The following BMPR2 variants were observed in gnomAD, a reference collection of about 807,000 sequenced individuals.
The protein encoded by BMPR2 is bone morphogenetic protein receptor type-2.
A neutral mutation model predicts 100.8 loss-of-function variants in BMPR2; 29 were observed. The ratio of observed to expected loss-of-function variants is 0.29; its 90% CI spans 0.21 to 0.39. The LOEUF is 0.39. Among genes scored for constraint, BMPR2 ranks in the 10% least tolerant of loss-of-function variants. BMPR2 has a pLI of 1.00. For missense variants in BMPR2, 1,011 were observed against 1,274.5 expected (o/e 0.79, Z 3.15); for synonymous variants, 382 against 442.3 (o/e 0.86, Z 1.71).
rs142497256 is a variant in BMPR2 at position 202,427,705 on chromosome 2, T to C, written c.77-37104T>C. Among the ~76,000 whole-genome samples, 912 of 152,240 alleles carry C rather than the reference T, an allele frequency of 6.0e-3. 16 individuals carry two copies. Among genetic ancestry groups the C allele is most frequent in the African/African-American group, 0.021 (869 of 41,544 alleles). ...AGGAAATACTTTTTATGGTTGGACA[T>C]TGTGGCTCACGCCTGTAATCTCAGC... On this transcript the variant is annotated intron_variant, in intron 1 of 12. Coordinates refer to ENST00000374580, the MANE Select transcript of BMPR2 (RefSeq NM_001204.7).
intron 10 of BMPR2, among the ~76,000 whole-genome samples, chr2:202,545,054 G>A (rs1688350366): frequency 2.0e-5 from 3 of 151,768 alleles, no homozygotes; most frequent in African/African-American, 7.3e-5. Flanking sequence ...GAGCCATCAT[G>A]CCTGGCCTGG....
At chr2:202,425,132 T>C (rs1047078431) in intron 1 of BMPR2, among the ~76,000 whole-genome samples, 3 of 152,048 alleles carry the variant, frequency 2.0e-5, no homozygotes, top group Non-Finnish European at 2.9e-5. Context: ...CAGGCTAGTC[T>C]CGAACTCTTG....
intron 1 of BMPR2, among the ~76,000 whole-genome samples, chr2:202,464,065 A>C (rs1692271690): frequency 6.6e-6 from 1 of 151,646 alleles, no homozygotes; most frequent in East Asian, 1.9e-4. Flanking sequence ...AGGCTGAGGC[A>C]AGAGAATCGC....
intron 3 of BMPR2, among the ~76,000 whole-genome samples, chr2:202,480,832 A>G (rs1454573796): frequency 6.6e-6 from 1 of 151,682 alleles, no homozygotes; most frequent in African/African-American, 2.4e-5. Flanking sequence ...GCATGTGCCT[A>G]TAGTCCTAGC....
At chr2:202,510,982 GTTTT>G (rs370738313) in intron 3 of BMPR2, among the ~76,000 whole-genome samples, 2 of 131,998 alleles carry the variant, frequency 1.5e-5, no homozygotes, top group African/African-American at 2.8e-5. Flanking sequence ...CCTGGCTTTA[GTTTT>G]TTTTTTTTTT....
Position 202,555,880 on chromosome 2 carries a change from C to T in BMPR2, c.2215C>T (p.Pro739Ser), listed in dbSNP as rs1688559679. The change falls in exon 12 of 13, where the codon CCT becomes TCT. Residue 739 changes from proline to serine, a missense_variant. Pro to Ser is a moderately conservative substitution (Grantham distance 74). This residue lies in a region of BMPR2 where 508 missense variants were observed against 552.0 expected (regional missense o/e 0.92). Transcript: ENST00000374580. ...GQACLIPDVL[P>S]TQIYPLPKQQ... is the part of the protein sequence containing the mutation. ...AGCATGTTTGATTCCTGATGTTCTG[C>T]CTACTCAGATCTATCCTCTCCCCAA... 6.2e-7 allele frequency: 1 copy of T among 1,614,120 alleles called. No homozygotes were observed. Among genetic ancestry groups the T allele is most frequent in the Non-Finnish European group, 8.5e-7 (1 of 1,180,020 alleles).
At chr2:202,557,661 C>CCG (rs1387013524) in intron 12 of BMPR2, among the ~76,000 whole-genome samples, 2 of 152,044 alleles carry the variant, frequency 1.3e-5, no homozygotes, top group Non-Finnish European at 2.9e-5. Flanking sequence ...GAGCGAAACT[C>CCG]CATCTCAGGA....
intron 1 of BMPR2, among the ~76,000 whole-genome samples, chr2:202,400,474 A>T (rs1036507807): frequency 1.3e-5 from 2 of 152,140 alleles, no homozygotes; most frequent in Non-Finnish European, 2.9e-5. Flanking sequence ...TTGACTGCAG[A>T]ATTAGATTTG....
chr2:202,552,145 G>T (rs917306795), intron 10 of BMPR2, among the ~76,000 whole-genome samples: 1 of 152,132 alleles, frequency 6.6e-6, no homozygotes. Flanking sequence ...GAACCACCAC[G>T]CCTGGCCAAT....
In BMPR2 at chr2:202,518,816, T is replaced by G; in HGVS notation, c.622-6T>G. On this transcript the variant is annotated splice_polypyrimidine_tract_variant and splice_region_variant and intron_variant, in intron 5 of 12. Coordinates refer to ENST00000374580, the MANE Select transcript of BMPR2 (RefSeq NM_001204.7). ...TAATACCTTGCTTTCTTTAAAACAC[T>G]TGCAGCTGATTGGCCGAGGTCGATA... 6.2e-7 allele frequency: 1 copy of G among 1,612,654 alleles called. No individual in the cohort carries two copies. Among genetic ancestry groups the G allele is most frequent in the Non-Finnish European group, 8.5e-7 (1 of 1,178,632 alleles).
intron 9 of BMPR2, among the ~76,000 whole-genome samples, chr2:202,541,390 C>T (rs986085917): frequency 3.3e-5 from 5 of 152,080 alleles, no homozygotes; most frequent in African/African-American, 9.7e-5. Context: ...GATAATGCCA[C>T]CGTACTCCAT....
intron 1 of BMPR2, among the ~76,000 whole-genome samples, chr2:202,380,388 T>A (rs1351665315): frequency 6.6e-6 from 1 of 152,150 alleles, no homozygotes; most frequent in East Asian, 1.9e-4. Context: ...GTAAGATTAA[T>A]CTAATGTTAG....
Position 202,470,766 on chromosome 2 carries a change from G to A in BMPR2, c.418+3077G>A, listed in dbSNP as rs374568826. Among the ~76,000 whole-genome samples, 1,078 of 129,230 alleles carry A rather than the reference G, an allele frequency of 8.3e-3. 7 individuals carry two copies. The highest frequency in any genetic ancestry group is 0.014 in the Admixed American group (164 of 11,882). The allele number at this position is 129,230 out of a possible 152,430, so 84.8% of individuals were successfully genotyped here. ...GGCCTGGGCGACAGAGCGAGACTCC[G>A]TCTCAAAAAAAAAAAAAAAAAAAGA... On this transcript the variant is annotated intron_variant, in intron 3 of 12. Coordinates refer to ENST00000374580, the MANE Select transcript of BMPR2 (RefSeq NM_001204.7).
intron 1 of BMPR2, among the ~76,000 whole-genome samples, chr2:202,445,413 G>C (rs1455540834): frequency 6.7e-6 from 1 of 149,662 alleles, no homozygotes; most frequent in Non-Finnish European, 1.5e-5. Flanking sequence ...ATTTTGTAGA[G>C]ACAGGGTTTC....
intron 1 of BMPR2, among the ~76,000 whole-genome samples, chr2:202,459,495 T>TCC: frequency 6.6e-6 from 1 of 152,234 alleles, no homozygotes; most frequent in Non-Finnish European, 1.5e-5. Flanking sequence ...CCTCCCACCC[T>TCC]CCACCCTTTG....
chr2:202,406,057 A>G (rs1574431192), intron 1 of BMPR2, among the ~76,000 whole-genome samples: 1 of 152,224 alleles, frequency 6.6e-6, no homozygotes, highest in Middle Eastern at 3.2e-3. Context: ...TGATGAATAC[A>G]TATTCTACCA....
chr2:202,477,808 T>TA (rs1369582395), intron 3 of BMPR2, among the ~76,000 whole-genome samples: 18 of 152,022 alleles, frequency 1.2e-4, no homozygotes, highest in East Asian at 1.9e-4. Flanking sequence ...AATAAATAAA[T>TA]AATAAAAGCT....
chr2:202,400,124 G>A (rs1690740310), intron 1 of BMPR2, among the ~76,000 whole-genome samples: 1 of 151,550 alleles, frequency 6.6e-6, no homozygotes. Flanking sequence ...AAAAAAAAAA[G>A]AATACATAGT....
intron 3 of BMPR2, among the ~76,000 whole-genome samples, chr2:202,513,276 A>G (rs1390461094): frequency 2.6e-5 from 4 of 152,138 alleles, no homozygotes; most frequent in Non-Finnish European, 5.9e-5. Context: ...CAGCCAGATA[A>G]TATATTCTTG....
Sources: gnomAD v4.1 joint callset for allele counts (sites outside exome capture counted in the v4.1 genomes callset) on GRCh38, gnomAD v4.1.1 for gene constraint, gnomAD v4.1.1 regional missense constraint, MANE v1.5 for transcripts, NCBI Gene and HGNC (gene_info 2026-07-23, HGNC 2026-07-21) for gene names.